Variants in AGMO observed in about 807,000 individuals in gnomAD.
AGMO encodes the protein alkylglycerol monooxygenase.
AGMO carries 75 observed loss-of-function variants against 60.2 expected under a neutral mutation model. That is an observed-to-expected ratio of 1.25 (90% CI 1.03 to 1.51). The LOEUF is 1.51. Ranked by LOEUF, AGMO falls within the 40% of genes most tolerant of loss-of-function variation. AGMO has a pLI of 0.00. For synonymous variants in AGMO, 261 were observed against 177.1 expected (o/e 1.47, Z -3.76); for missense variants, 763 against 525.5 (o/e 1.45, Z -4.42).
At chr7:15,220,593 T>C (rs1411031652) in intron 12 of AGMO, among the ~76,000 whole-genome samples, 1 of 151,956 alleles carries the variant, frequency 6.6e-6, no homozygotes, top group Non-Finnish European at 1.5e-5. Context: ...TACTGTCTTG[T>C]GCATGTTAAG....
intron 3 of AGMO, among the ~76,000 whole-genome samples, chr7:15,537,033 G>A (rs1035959539): frequency 1.3e-5 from 2 of 151,908 alleles, no homozygotes; most frequent in Non-Finnish European, 2.9e-5. Flanking sequence ...GACAAAATCT[G>A]TTTTTTCCAG....
chr7:15,277,909 C>T (rs990375855), intron 12 of AGMO, among the ~76,000 whole-genome samples: 2 of 152,078 alleles, frequency 1.3e-5, no homozygotes, highest in African/African-American at 4.8e-5. Flanking sequence ...AGGGCGCTAG[C>T]CCTAATAGGG....
At chr7:15,278,871 G>A (rs755476569) in intron 12 of AGMO, among the ~76,000 whole-genome samples, 1 of 152,124 alleles carries the variant, frequency 6.6e-6, no homozygotes, top group Non-Finnish European at 1.5e-5. Context: ...TGGGGACAGG[G>A]TGACTCCACT....
At chr7:15,189,837 G>C in the AGMO span, among the ~76,000 whole-genome samples, 9 of 148,118 alleles carry the variant, frequency 6.1e-5, no homozygotes, top group Non-Finnish European at 9.0e-5. Context: ...TAAACTATCA[G>C]CTTAAAAATT....
intron 12 of AGMO, among the ~76,000 whole-genome samples, chr7:15,288,716 A>G (rs1784170269): frequency 6.6e-6 from 1 of 151,860 alleles, no homozygotes; most frequent in African/African-American, 2.4e-5. Context: ...CCTTCAAATT[A>G]AGTGACTGAA....
At chr7:15,374,605 A>AATAT (rs36124390) in intron 10 of AGMO, among the ~76,000 whole-genome samples, 1 of 151,832 alleles carries the variant, frequency 6.6e-6, no homozygotes, top group East Asian at 1.9e-4. Context: ...AAACAATAGC[A>AATAT]ATATATCTGA....
rs181348670 is a variant in AGMO at position 15,465,514 on chromosome 7, T to C, written c.410-34406A>G. Among the ~76,000 whole-genome samples the C allele has an allele frequency of 3.8e-4, 58 of 150,774 alleles. 1 individual carries two copies. The East Asian group carries it at 7.9e-3, about 20-fold the overall frequency. On this transcript the variant is annotated intron_variant, in intron 3 of 12. Coordinates refer to ENST00000342526, the MANE Select transcript of AGMO (RefSeq NM_001004320.2). ...ACTGGCTCACTGCAGACTTGACATCTGGGGCTCAAGCAATTCTCCCGCCTC... is the reference window on the plus strand; with the variant it reads ...ACTGGCTCACTGCAGACTTGACATCCGGGGCTCAAGCAATTCTCCCGCCTC...
At chr7:15,258,385 T>C (rs1306667871) in intron 12 of AGMO, among the ~76,000 whole-genome samples, 1 of 151,806 alleles carries the variant, frequency 6.6e-6, no homozygotes, top group African/African-American at 2.4e-5. Flanking sequence ...ATTCACTGTC[T>C]GTATTTAAAA....
chr7:15,397,235 G>C (rs533327133), intron 5 of AGMO, among the ~76,000 whole-genome samples: 1 of 152,114 alleles, frequency 6.6e-6, no homozygotes, highest in Non-Finnish European at 1.5e-5. Flanking sequence ...AAGAGGGAAC[G>C]GCGGTCCGCG....
chr7:15,459,695 TATA>T (rs1038523449), intron 3 of AGMO, among the ~76,000 whole-genome samples: 1 of 151,712 alleles, frequency 6.6e-6, no homozygotes, highest in African/African-American at 2.4e-5. Flanking sequence ...TCATAGATTT[TATA>T]ATGATTCTAA....
chr7:15,488,008 C>T (rs1782966442), intron 3 of AGMO, among the ~76,000 whole-genome samples: 1 of 151,992 alleles, frequency 6.6e-6, no homozygotes, highest in Non-Finnish European at 1.5e-5. Flanking sequence ...TAACAATATG[C>T]ATAAAATTTT....
chr7:15,213,659 G>A (rs185649458), intron 12 of AGMO, among the ~76,000 whole-genome samples: 14 of 151,914 alleles, frequency 9.2e-5, no homozygotes, highest in East Asian at 7.7e-4. Context: ...TTCCAAAATC[G>A]TCAATTCCTA....
chr7:15,434,228 G>C (rs1583548533), intron 3 of AGMO, among the ~76,000 whole-genome samples: 1 of 152,086 alleles, frequency 6.6e-6, no homozygotes, highest in South Asian at 2.1e-4. Flanking sequence ...AGTGTCTTTT[G>C]AATGTGGGAG....
chr7:15,529,205 ATGT>A (rs1562554387), intron 3 of AGMO, among the ~76,000 whole-genome samples: 1 of 151,896 alleles, frequency 6.6e-6, no homozygotes, highest in African/African-American at 2.4e-5. Flanking sequence ...TAAAAGAAAA[ATGT>A]TATTATTATT....
At chr7:15,442,847 C>T (rs967133116) in intron 3 of AGMO, among the ~76,000 whole-genome samples, 3 of 152,060 alleles carry the variant, frequency 2.0e-5, no homozygotes, top group African/African-American at 7.2e-5. Flanking sequence ...TCGAGAGGAA[C>T]ACACAAGTGG....
In AGMO at chr7:15,231,286, T is replaced by C. The variant is rs933972823; in HGVS notation, c.1264-29927A>G. Among the ~76,000 whole-genome samples the C allele has an allele frequency of 2.6e-5, 4 of 152,122 alleles. No individual in the cohort carries two copies. In the South Asian group the frequency reaches 8.3e-4, roughly 32 times the overall value. On this transcript the variant is annotated intron_variant, in intron 12 of 12. Coordinates refer to ENST00000342526, the MANE Select transcript of AGMO (RefSeq NM_001004320.2). ...TTGCTCCACTTCCAATGTCTTTTTG[T>C]CCTTTTTGTTTGACAATCAAAACTT...
intron 12 of AGMO, among the ~76,000 whole-genome samples, chr7:15,312,469 A>T (rs1780795135): frequency 6.7e-6 from 1 of 150,204 alleles, no homozygotes; most frequent in South Asian, 2.1e-4. Context: ...TCACAGGACA[A>T]TCAAATGTAT....
chr7:15,337,437 C>T (rs1176409597), intron 12 of AGMO, among the ~76,000 whole-genome samples: 1 of 152,092 alleles, frequency 6.6e-6, no homozygotes, highest in African/African-American at 2.4e-5. Flanking sequence ...GTCTGGTAGC[C>T]TTGCACAACT....
intron 3 of AGMO, among the ~76,000 whole-genome samples, chr7:15,520,963 A>G (rs1014813574): frequency 6.6e-6 from 1 of 152,154 alleles, no homozygotes; most frequent in Non-Finnish European, 1.5e-5. Flanking sequence ...TTAATAAAGG[A>G]GAAAAGTGAC....
Sources: gnomAD v4.1 joint callset for allele counts (sites outside exome capture counted in the v4.1 genomes callset) on GRCh38, gnomAD v4.1.1 for gene constraint, MANE v1.5 for transcripts, NCBI Gene and HGNC (gene_info 2026-07-23, HGNC 2026-07-21) for gene names.